Variants in CAPZA2 observed in about 807,000 individuals in gnomAD.
CAPZA2 encodes the protein capping actin protein of muscle Z-line subunit alpha 2.
A neutral mutation model predicts 44.0 loss-of-function variants in CAPZA2; 13 were observed. The ratio of observed to expected loss-of-function variants is 0.30; its 90% CI spans 0.19 to 0.47. CAPZA2 has a LOEUF of 0.47. Ranked by LOEUF, CAPZA2 falls within the 20% of genes least tolerant of loss-of-function variation. CAPZA2 has a pLI of 1.00. For missense variants in CAPZA2, 244 were observed against 338.6 expected, an observed-to-expected ratio of 0.72 and a Z score of 2.19; for synonymous variants, 94 against 108.2, an observed-to-expected ratio of 0.87 and a Z score of 0.81.
intron 6 of CAPZA2, among the ~76,000 whole-genome samples, chr7:116,908,558 G>A (rs1791546245): frequency 6.6e-6 from 1 of 152,148 alleles, no homozygotes; most frequent in South Asian, 2.1e-4. Flanking sequence ...GTCATTTACT[G>A]TTACTGTAGT....
chr7:116,890,254 G>A (rs573134335), intron 2 of CAPZA2, among the ~76,000 whole-genome samples: 1 of 152,098 alleles, frequency 6.6e-6, no homozygotes, highest in East Asian at 1.9e-4. Flanking sequence ...TCTCTGTTGA[G>A]TTGTAGTAAA....
chr7:116,898,580 T>A (rs2301649), intron 3 of CAPZA2, among the ~76,000 whole-genome samples, 192 bp from the exon 4 acceptor site: 2 of 151,986 alleles, frequency 1.3e-5, no homozygotes, highest in Non-Finnish European at 2.9e-5. Flanking sequence ...CTGGACATCA[T>A]TGTTCAGTTT....
chr7:116,881,113 T>C (rs1275832608), intron 1 of CAPZA2, among the ~76,000 whole-genome samples: 3 of 152,186 alleles, frequency 2.0e-5, no homozygotes, highest in African/African-American at 7.2e-5. Context: ...CTCTATTAAA[T>C]TCTAGAATAA....
rs1791729392 is a variant in CAPZA2 at position 116,919,257 on chromosome 7, T to C, written c.*1390T>C. 1 of 152,642 alleles carries C rather than the reference T, an allele frequency of 6.6e-6. No individual in the cohort carries two copies. Among genetic ancestry groups the C allele is most frequent in the Admixed American group, 6.5e-5 (1 of 15,284 alleles). 9.5% of individuals were successfully genotyped at this position (152,642 alleles called of 1,614,324 possible). ...GCATTGAGAATATAATATGAAATTATGACATTTTGTCTAAATCATCTTTTC... is the reference window on the plus strand; with the variant it reads ...GCATTGAGAATATAATATGAAATTACGACATTTTGTCTAAATCATCTTTTC... On this transcript the variant is annotated 3_prime_UTR_variant, in exon 10 of 10. Coordinates refer to ENST00000361183, the MANE Select transcript of CAPZA2 (RefSeq NM_006136.3).
At chr7:116,908,430 G>A (rs1300726627) in intron 6 of CAPZA2, among the ~76,000 whole-genome samples, 1 of 152,042 alleles carries the variant, frequency 6.6e-6, no homozygotes, top group African/African-American at 2.4e-5. Context: ...ATAAATGTTT[G>A]TTGAGTGAAT....
chr7:116,890,509 TAAAA>T (rs1159101707), intron 2 of CAPZA2, among the ~76,000 whole-genome samples: 54 of 29,226 alleles, frequency 1.8e-3, no homozygotes, highest in African/African-American at 6.5e-3. Flanking sequence ...TGTCTCTACT[TAAAA>T]AAAAAAAAAA....
At position 116,893,093 on chromosome 7, in the gene CAPZA2, C is replaced by T. The variant is rs376160235; in HGVS notation, c.155+48C>T. 60 of 1,232,026 alleles carry T rather than the reference C, an allele frequency of 4.9e-5. No homozygotes were observed. The African/African-American group carries it at 5.1e-4, about 10-fold the overall frequency. The allele number at this position is 1,232,026 out of a possible 1,614,324, so 76.3% of individuals were successfully genotyped here. A position where few individuals can be genotyped will look rare whatever the true frequency, so the allele number is the denominator to read the frequency against. On this transcript the variant is annotated intron_variant, in intron 3 of 9. Transcript: ENST00000361183. ...ACCTAACTAAAATGACATGGGAAAA[C>T]GAGAGATGCTTTAAAAGTGTGTGGG...
At chr7:116,910,350 C>A in intron 7 of CAPZA2, 39 bp downstream of exon 7, 1 of 958,714 alleles carries the variant, frequency 1.0e-6, no homozygotes, top group Non-Finnish European at 1.7e-6. Context: ...TTAGATGATT[C>A]TGAACAGAGA....
intron 1 of CAPZA2, among the ~76,000 whole-genome samples, chr7:116,877,652 TAGTA>T (rs1302573997): frequency 6.6e-6 from 1 of 152,254 alleles, no homozygotes; most frequent in Non-Finnish European, 1.5e-5. Context: ...GTCATGCAGG[TAGTA>T]AGCAGTGGAG....
At position 116,891,345 on chromosome 7, in the gene CAPZA2, A is replaced by T. The variant is rs553271591; in HGVS notation, c.104-1649A>T. On this transcript the variant is annotated intron_variant, in intron 2 of 9. Transcript: ENST00000361183. ...CATTATGTTTAAACTATTGATGATAAATTTATCAAATAGAACTTCCCACTT... is the reference window on the plus strand; with the variant it reads ...CATTATGTTTAAACTATTGATGATATATTTATCAAATAGAACTTCCCACTT... 5.9e-5 allele frequency among the ~76,000 whole-genome samples: 9 copies of T among 152,338 alleles called. No individual in the cohort carries two copies. The South Asian group carries it at 1.7e-3, about 28-fold the overall frequency.
At chr7:116,914,464 C>CAG (rs1220817940) in intron 8 of CAPZA2, among the ~76,000 whole-genome samples, 1 of 144,088 alleles carries the variant, frequency 6.9e-6, no homozygotes, top group Non-Finnish European at 1.6e-5. Flanking sequence ...CACACACACA[C>CAG]ACACACGTAT....
chr7:116,879,921 A>G, intron 1 of CAPZA2: 4 of 337,224 alleles, frequency 1.2e-5, no homozygotes, highest in South Asian at 9.6e-5. Context: ...CAGAGGAAAC[A>G]GATTCTGCCT....
chr7:116,910,942 G>C (rs1791585222), intron 7 of CAPZA2, among the ~76,000 whole-genome samples: 2 of 133,790 alleles, frequency 1.5e-5, no homozygotes, highest in African/African-American at 2.9e-5. Flanking sequence ...AGTGAGCCGA[G>C]ATTGCGCCAC....
chr7:116,901,031 G>A (rs1339780493), intron 4 of CAPZA2, among the ~76,000 whole-genome samples: 9 of 151,988 alleles, frequency 5.9e-5, no homozygotes, highest in Non-Finnish European at 1.0e-4. Context: ...GTGAGGTTAC[G>A]GAGCAAAAGG....
chr7:116,892,923 A>G (rs1796868626), intron 2 of CAPZA2, 71 bp from the exon 3 acceptor site: 1 of 1,136,228 alleles, frequency 8.8e-7, no homozygotes, highest in Non-Finnish European at 1.3e-6. Flanking sequence ...TACATCACCA[A>G]AACAATCTGC....
In CAPZA2 at chr7:116,913,094, A is replaced by G. The variant is rs140328740; in HGVS notation, c.657+954A>G. On this transcript the variant is annotated intron_variant, in intron 8 of 9. Coordinates refer to ENST00000361183, the MANE Select transcript of CAPZA2 (RefSeq NM_006136.3). ...GTATATCTTTTGGGGGGAAATACCTATTCAGATCCTTTGCTCATTTCCTAA... is the reference window on the plus strand; with the variant it reads ...GTATATCTTTTGGGGGGAAATACCTGTTCAGATCCTTTGCTCATTTCCTAA... 3.6e-4 allele frequency among the ~76,000 whole-genome samples: 55 copies of G among 152,256 alleles called. No individual in the cohort carries two copies. The East Asian group carries it at 9.6e-3, about 27-fold the overall frequency.
rs1280955447 is a variant in CAPZA2, at chr7:116,887,518, C to A, written c.40-609C>A. On this transcript the variant is annotated intron_variant, in intron 1 of 9. Coordinates refer to ENST00000361183, the MANE Select transcript of CAPZA2 (RefSeq NM_006136.3). Reference sequence around the variant, plus strand: ...ACTCCAGCCTGGTGACAGAGCAAGACCCTGCCTCCAAAAAAAAAATGAAAT... The same window carrying A: ...ACTCCAGCCTGGTGACAGAGCAAGAACCTGCCTCCAAAAAAAAAATGAAAT... Among the ~76,000 whole-genome samples the A allele has an allele frequency of 2.0e-5, 3 of 148,924 alleles. No homozygotes were observed. In the South Asian group the frequency reaches 6.4e-4, roughly 32 times the overall value.
intron 9 of CAPZA2, among the ~76,000 whole-genome samples, chr7:116,916,616 C>T (rs1253004755): frequency 6.6e-6 from 1 of 151,524 alleles, no homozygotes; most frequent in African/African-American, 2.4e-5. Flanking sequence ...CAGAGCGAGA[C>T]TCCGTCTCAA....
chr7:116,910,130 C>A, intron 6 of CAPZA2, 103 bp from the exon 7 acceptor site: 1 of 728,026 alleles, frequency 1.4e-6, no homozygotes, highest in Non-Finnish European at 2.5e-6. Flanking sequence ...AGTATTCATC[C>A]CCCACACTCT....
Sources: gnomAD v4.1 joint callset for allele counts (sites outside exome capture counted in the v4.1 genomes callset) on GRCh38, gnomAD v4.1.1 for gene constraint, MANE v1.5 for transcripts, NCBI Gene and HGNC (gene_info 2026-07-23, HGNC 2026-07-21) for gene names.